Variants in BCAS3 observed in about 807,000 individuals in gnomAD.
BCAS3 encodes the protein BCAS3 microtubule associated cell migration factor, also known as BCAS4/BCAS3 fusion.
In BCAS3, 53 loss-of-function variants were observed where a neutral mutation model predicts 116.1. The ratio of observed to expected loss-of-function variants is 0.46; its 90% CI spans 0.37 to 0.57. BCAS3 has a LOEUF of 0.57. Among genes scored for constraint, BCAS3 ranks in the 20% least tolerant of loss-of-function variants. BCAS3 has a pLI of 0.00. For missense variants in BCAS3, 917 were observed against 1,165.4 expected, an observed-to-expected ratio of 0.79 and a Z score of 3.10; for synonymous variants, 391 against 408.2, an observed-to-expected ratio of 0.96 and a Z score of 0.51.
chr17:61,006,431 A>T (rs941091990), intron 15 of BCAS3, among the ~76,000 whole-genome samples: 2 of 152,126 alleles, frequency 1.3e-5, no homozygotes, highest in Non-Finnish European at 2.9e-5. Flanking sequence ...TTAGCAGTTT[A>T]AGTAATAAAG....
chr17:60,869,593 GT>G (rs1183468884), intron 8 of BCAS3, among the ~76,000 whole-genome samples: 2 of 152,100 alleles, frequency 1.3e-5, no homozygotes, highest in Non-Finnish European at 2.9e-5. Flanking sequence ...AGGAAGGTGG[GT>G]TTTGATACTA....
chr17:60,948,874 T>G (rs543423483), intron 14 of BCAS3, among the ~76,000 whole-genome samples: 2 of 152,166 alleles, frequency 1.3e-5, no homozygotes, highest in South Asian at 4.2e-4. Flanking sequence ...CATTGAAATA[T>G]TCTTTTTTTT....
At position 61,235,396 on chromosome 17, in the gene BCAS3, A is replaced by G. The variant is rs191289464; in HGVS notation, c.2426-132931A>G. On this transcript the variant is annotated intron_variant, in intron 22 of 23. Transcript: ENST00000407086. The surrounding 1 kb of genome is among the most constrained non-coding windows in gnomAD (Gnocchi z 5.0). ...AAAATGTACAGTTTTGAGAATTTCG[A>G]TATTTGACAGATGATTGAGCCACTC... Among the ~76,000 whole-genome samples the G allele has an allele frequency of 8.1e-4, 123 of 152,340 alleles. 1 individual carries two copies. Among genetic ancestry groups the G allele is most frequent in the African/African-American group, 2.9e-3 (120 of 41,586 alleles).
At chr17:60,783,433 G>A (rs2046000019) in intron 6 of BCAS3, among the ~76,000 whole-genome samples, 1 of 152,092 alleles carries the variant, frequency 6.6e-6, no homozygotes, top group Non-Finnish European at 1.5e-5. Context: ...TCAAACTCCT[G>A]GGCTCAGGCA....
rs956119311 is a variant in BCAS3 at position 61,339,292 on chromosome 17, C to A, written c.2426-29035C>A. On this transcript the variant is annotated intron_variant, in intron 22 of 23. Coordinates refer to ENST00000407086, the MANE Select transcript of BCAS3 (RefSeq NM_017679.5). The surrounding 1 kb of genome is among the most constrained non-coding windows in gnomAD (Gnocchi z 4.4). ...TTCATCCCAGGTCACACCCAAAAGC[C>A]AATGAAGAAAGGGTTTTGGTTTGGT... is the stretch of plus-strand genomic sequence containing the variant. Among the ~76,000 whole-genome samples, 1 of 152,198 alleles carries A rather than the reference C, an allele frequency of 6.6e-6. No homozygotes were observed. The highest frequency in any genetic ancestry group is 1.9e-4 in the East Asian group (1 of 5,194).
intron 22 of BCAS3, among the ~76,000 whole-genome samples, chr17:61,147,722 C>T (rs987373257): frequency 6.6e-6 from 1 of 152,244 alleles, no homozygotes; most frequent in East Asian, 1.9e-4. Context: ...CACCGTGGCT[C>T]ACGCCTGTAA....
rs1294671413 is a variant in BCAS3 at position 61,239,303 on chromosome 17, A to G, written c.2426-129024A>G. Among the ~76,000 whole-genome samples, 1 of 152,240 alleles carries G rather than the reference A, an allele frequency of 6.6e-6. No individual in the cohort carries two copies. Among genetic ancestry groups the G allele is most frequent in the Non-Finnish European group, 1.5e-5 (1 of 68,050 alleles). On this transcript the variant is annotated intron_variant, in intron 22 of 23. Transcript: ENST00000407086. This position sits in a 1 kb window ranked among gnomAD's most constrained non-coding sequence, Gnocchi z 4.2. ...AGAAGATCTTAGTTTTTATAGCAGT[A>G]CCATCAAAGATAGTTATATATCCAA... is the stretch of plus-strand genomic sequence containing the variant.
At chr17:61,304,014 C>T (rs757359683) in intron 22 of BCAS3, among the ~76,000 whole-genome samples, 5 of 152,202 alleles carry the variant, frequency 3.3e-5, no homozygotes, top group Non-Finnish European at 7.3e-5. Flanking sequence ...ACACCACCAT[C>T]CACCCTATCA....
Position 61,180,922 on chromosome 17 carries a change from TA to T in BCAS3, c.2425+96363del, listed in dbSNP as rs2079442192. Among the ~76,000 whole-genome samples, 1 of 152,072 alleles carries T rather than the reference TA, an allele frequency of 6.6e-6. No individual in the cohort carries two copies. On this transcript the variant is annotated intron_variant, in intron 22 of 23. Transcript: ENST00000407086. This position sits in a 1 kb window ranked among gnomAD's most constrained non-coding sequence, Gnocchi z 6.0. The stretch of plus-strand genomic sequence containing the variant: ...CCTGATGGATTATAGCAGTTTGATT[TA>T]AAAAGGATCTAAGGTCAGGCACGAT...
intron 22 of BCAS3, among the ~76,000 whole-genome samples, chr17:61,112,822 A>G (rs1179233675): frequency 6.6e-6 from 1 of 151,764 alleles, no homozygotes; most frequent in East Asian, 1.9e-4. Context: ...TCCAAAATTG[A>G]CCACATACTT....
At chr17:61,299,361 TGAACCTGGGAGGCG>T in intron 22 of BCAS3, among the ~76,000 whole-genome samples, 1 of 140,560 alleles carries the variant, frequency 7.1e-6, no homozygotes, top group East Asian at 2.1e-4. Context: ...GAGAATGGCG[TGAACCTGGGAGGCG>T]GAGCTTGCAG....
intron 22 of BCAS3, among the ~76,000 whole-genome samples, chr17:61,166,899 T>C (rs1223604500): frequency 6.6e-6 from 1 of 151,646 alleles, no homozygotes; most frequent in Non-Finnish European, 1.5e-5. Context: ...GTTGTTGTTG[T>C]TGTAGAGATG....
intron 7 of BCAS3, among the ~76,000 whole-genome samples, chr17:60,825,273 A>C (rs1357550525): frequency 2.0e-5 from 3 of 151,760 alleles, no homozygotes; most frequent in Non-Finnish European, 4.4e-5. Context: ...TATTCATCCT[A>C]CCTTATGCAC....
chr17:60,808,840 A>G (rs367816174), intron 7 of BCAS3, among the ~76,000 whole-genome samples: 2 of 152,344 alleles, frequency 1.3e-5, no homozygotes, highest in East Asian at 1.9e-4. Context: ...ATCAGTGTGC[A>G]TGAATTAATG....
chr17:61,156,479 A>C lies in BCAS3; in HGVS notation c.2425+71915A>C, dbSNP rs2077847208. Among the ~76,000 whole-genome samples, 1 of 152,168 alleles carries C rather than the reference A, an allele frequency of 6.6e-6. No homozygotes were observed. The highest frequency in any genetic ancestry group is 2.4e-5 in the African/African-American group (1 of 41,440). On this transcript the variant is annotated intron_variant, in intron 22 of 23. Coordinates refer to ENST00000407086, the MANE Select transcript of BCAS3 (RefSeq NM_017679.5). The surrounding 1 kb of genome is among the most constrained non-coding windows in gnomAD (Gnocchi z 4.7). Reference sequence around the variant, plus strand: ...TTTGTGGAGGATCCTGTTTTCCTTGAGTGTCCTTACCTGAAATGGTCTCTT... The same window carrying C: ...TTTGTGGAGGATCCTGTTTTCCTTGCGTGTCCTTACCTGAAATGGTCTCTT...
intron 13 of BCAS3, among the ~76,000 whole-genome samples, chr17:60,930,674 T>C (rs1599762291): frequency 6.6e-6 from 1 of 152,200 alleles, no homozygotes; most frequent in Admixed American, 6.5e-5. Context: ...GCTAGGCTGG[T>C]CTTGAACTCC....
intron 22 of BCAS3, among the ~76,000 whole-genome samples, chr17:61,357,456 T>A (rs1354238212): frequency 2.7e-5 from 4 of 149,390 alleles, no homozygotes; most frequent in South Asian, 2.1e-4. Flanking sequence ...TTATTTTTTT[T>A]TTTTTTGAAA....
At chr17:60,753,383 TTTTATTTATTTA>T (rs35459382) in intron 6 of BCAS3, among the ~76,000 whole-genome samples, 243 of 135,638 alleles carry the variant, frequency 1.8e-3, no homozygotes, top group African/African-American at 4.3e-3. Flanking sequence ...TTGTCTCTTA[TTTTATTTATTTA>T]TTTATTTATT....
rs2079753031 is a variant in BCAS3 at position 61,186,031 on chromosome 17, A to G, written c.2425+101467A>G. Among the ~76,000 whole-genome samples, 1 of 152,212 alleles carries G rather than the reference A, an allele frequency of 6.6e-6. No homozygotes were observed. The highest frequency in any genetic ancestry group is 1.5e-5 in the Non-Finnish European group (1 of 68,002). Reference sequence around the variant, plus strand: ...CCGTACATTTACTAAATAGTTCCTTAGGAGAGATGTAACATTAGGATGGAG... The same window carrying G: ...CCGTACATTTACTAAATAGTTCCTTGGGAGAGATGTAACATTAGGATGGAG... On this transcript the variant is annotated intron_variant, in intron 22 of 23. Transcript: ENST00000407086. The surrounding 1 kb of genome is among the most constrained non-coding windows in gnomAD (Gnocchi z 4.9).
Sources: gnomAD v4.1 joint callset for allele counts (sites outside exome capture counted in the v4.1 genomes callset) on GRCh38, gnomAD v4.1.1 for gene constraint, Gnocchi (gnomAD v3.1) non-coding constraint, MANE v1.5 for transcripts, NCBI Gene and HGNC (gene_info 2026-07-23, HGNC 2026-07-21) for gene names.